The following MRM1 variants were observed in gnomAD, a reference collection of about 807,000 sequenced individuals.
MRM1 encodes the protein rRNA methyltransferase 1, mitochondrial.
Under a neutral mutation model 25.0 loss-of-function variants are expected in MRM1, and 24 were observed. The observed-to-expected ratio is 0.96, with a 90% CI of 0.69 to 1.35. MRM1 has a LOEUF of 1.35. Among genes scored for constraint, MRM1 ranks in the 40% most tolerant of loss-of-function variants. The probability of loss-of-function intolerance (pLI) is 0.00; values close to 1 mark genes in which losing one functional copy is unlikely to be tolerated. For missense variants in MRM1, 431 were observed against 464.1 expected, an observed-to-expected ratio of 0.93 and a Z score of 0.65; for synonymous variants, 188 against 199.2, an observed-to-expected ratio of 0.94 and a Z score of 0.47.
chr17:36,625,129 G>C, the MRM1 span, among the ~76,000 whole-genome samples: 1 of 152,164 alleles, frequency 6.6e-6, no homozygotes, highest in African/African-American at 2.4e-5. Context: ...TGTGCTGGAG[G>C]AGTGAGTTCC....
intron 2 of MRM1, among the ~76,000 whole-genome samples, chr17:36,607,274 T>G (rs1472843018): frequency 1.3e-5 from 2 of 152,160 alleles, no homozygotes; most frequent in East Asian, 3.9e-4. Flanking sequence ...CCCAAAGTGC[T>G]GGAATTACAG....
rs1426632828 is a variant in MRM1 at position 36,608,438 on chromosome 17, T to C, written c.*23T>C. On this transcript the variant is annotated 3_prime_UTR_variant, in exon 5 of 5. Transcript: ENST00000614766. The stretch of plus-strand genomic sequence containing the variant: ...TGACGTGGACTGTCCACAGTGTTCA[T>C]GTGCTGGAGTCAGGGACGGCCGCAC... 6.9e-6 allele frequency: 10 copies of C among 1,459,014 alleles called. No individual in the cohort carries two copies. The Admixed American group carries it at 7.3e-5, about 11-fold the overall frequency. The allele number at this position is 1,459,014 out of a possible 1,614,324, so 90.4% of individuals were successfully genotyped here.
the MRM1 span, among the ~76,000 whole-genome samples, chr17:36,614,121 A>T: frequency 1.3e-5 from 2 of 151,704 alleles, no homozygotes; most frequent in African/African-American, 4.8e-5. Context: ...GAGGCTTTTG[A>T]AGCTAAAAAA....
Position 36,603,847 on chromosome 17 carries a change from C to A in MRM1, c.636+1201C>A, listed in dbSNP as rs1464927907. 2.0e-5 allele frequency among the ~76,000 whole-genome samples: 3 copies of A among 152,180 alleles called. No individual in the cohort carries two copies. In the South Asian group the frequency reaches 6.2e-4, roughly 31 times the overall value. ...ATATTGAACAGCACATATCTAGAAG[C>A]ATTTTTTGGCTTCACTTTTTTGTAG... is the stretch of plus-strand genomic sequence containing the variant. On this transcript the variant is annotated intron_variant, in intron 2 of 4. Transcript: ENST00000614766.
At chr17:36,622,597 C>T in the MRM1 span, among the ~76,000 whole-genome samples, 1 of 151,940 alleles carries the variant, frequency 6.6e-6, no homozygotes, top group Non-Finnish European at 1.5e-5. Context: ...AAATTCAAAC[C>T]TCATATGGGG....
the MRM1 span, among the ~76,000 whole-genome samples, chr17:36,619,483 C>T: frequency 7.5e-4 from 114 of 152,258 alleles, no homozygotes; most frequent in African/African-American, 2.6e-3. Flanking sequence ...GCCTGGCCAA[C>T]ATGGCAAAAC....
chr17:36,607,976 C>A lies in MRM1; in HGVS notation c.847C>A (p.Leu283Met). ...CCTCACCATCCTGCCCCGGCGCCAGCTGCCTCCTGGACTTGAGTCCTTGAA... is the reference window on the plus strand; with the variant it reads ...CCTCACCATCCTGCCCCGGCGCCAGATGCCTCCTGGACTTGAGTCCTTGAA... ...LLLTILPRRQ[L>M]PPGLESLNVS... is the part of the protein sequence containing the mutation. The change falls in exon 4 of 5, where the codon CTG becomes ATG. Residue 283 changes from leucine to methionine, a missense_variant. Physicochemically the swap from Leu to Met is conservative, Grantham distance 15. Coordinates refer to ENST00000614766, the MANE Select transcript of MRM1 (RefSeq NM_024864.5). 4.3e-6 allele frequency: 7 copies of A among 1,614,204 alleles called. No individual in the cohort carries two copies. Among genetic ancestry groups the A allele is most frequent in the Non-Finnish European group, 5.9e-6 (7 of 1,180,046 alleles).
rs2074878463 is a variant in MRM1 at position 36,602,122 on chromosome 17, G to GGTCCAC, written c.312_313insGTCCAC (p.Arg104_Gln105insValHis). 6.2e-7 allele frequency: 1 copy of GGTCCAC among 1,612,292 alleles called. No individual in the cohort carries two copies. Among genetic ancestry groups the GGTCCAC allele is most frequent in the African/African-American group, 1.3e-5 (1 of 74,938 alleles). On this transcript the variant is annotated inframe_insertion, in exon 1 of 5. Coordinates refer to ENST00000614766, the MANE Select transcript of MRM1 (RefSeq NM_024864.5). This position sits in a 1 kb window ranked among gnomAD's most constrained non-coding sequence, Gnocchi z 4.1. Reference sequence around the variant, plus strand: ...ACATTCCAGTTCTGCGGCCCAGACGGCAGAAACTGGACACAATGTGCCGCT... The same window carrying GGTCCAC: ...ACATTCCAGTTCTGCGGCCCAGACGGGTCCACCAGAAACTGGACACAATGTGCCGCT...
downstream of MRM1, among the ~76,000 whole-genome samples, chr17:36,609,745 G>T (rs1350043589): frequency 6.6e-6 from 1 of 152,208 alleles, no homozygotes; most frequent in African/African-American, 2.4e-5. Context: ...GGGCGAAAGG[G>T]GAATAATCCT....
the MRM1 span, among the ~76,000 whole-genome samples, chr17:36,631,881 C>A: frequency 6.6e-6 from 1 of 152,200 alleles, no homozygotes; most frequent in Non-Finnish European, 1.5e-5. Flanking sequence ...AGGTTGTCTG[C>A]AGAGGTTGGG....
chr17:36,612,149 C>T (rs1327533379), downstream of MRM1, among the ~76,000 whole-genome samples: 4 of 152,074 alleles, frequency 2.6e-5, no homozygotes, highest in South Asian at 4.1e-4. Context: ...GGCTGGAACC[C>T]GATCTAACCT....
chr17:36,620,088 T>G, the MRM1 span, among the ~76,000 whole-genome samples: 5 of 152,212 alleles, frequency 3.3e-5, no homozygotes, highest in Admixed American at 6.5e-5. Context: ...TTATATATTC[T>G]GAATATTAAC....
chr17:36,615,600 G>T, the MRM1 span, among the ~76,000 whole-genome samples: 1 of 151,238 alleles, frequency 6.6e-6, no homozygotes, highest in South Asian at 2.1e-4. Context: ...CGGAGGTTAC[G>T]GTGAGCTGAG....
chr17:36,624,700 T>TTGGG, the MRM1 span, among the ~76,000 whole-genome samples: 9 of 152,246 alleles, frequency 5.9e-5, no homozygotes, highest in African/African-American at 2.2e-4. This position sits in a 1 kb window ranked among gnomAD's most constrained non-coding sequence, Gnocchi z 4.0. Flanking sequence ...ATGAGGAGCT[T>TTGGG]TGGGGTCAGA....
chr17:36,621,699 T>C, the MRM1 span, among the ~76,000 whole-genome samples: 17 of 152,240 alleles, frequency 1.1e-4, 1 homozygote, highest in East Asian at 2.1e-3. Context: ...CCTCAGCCCC[T>C]CAACTACCCC....
At chr17:36,604,284 T>A (rs2074908527) in intron 2 of MRM1, among the ~76,000 whole-genome samples, 1 of 152,238 alleles carries the variant, frequency 6.6e-6, no homozygotes, top group Admixed American at 6.5e-5. Flanking sequence ...GTGGCCTCCA[T>A]GTTGCTGCAT....
chr17:36,607,971 G>T lies in MRM1; in HGVS notation c.842G>T (p.Arg281Leu), dbSNP rs753006011. ...CTTCTCCTCACCATCCTGCCCCGGC[G>T]CCAGCTGCCTCCTGGACTTGAGTCC... ...CQLLLTILPR[R>L]QLPPGLESLN... The change falls in exon 4 of 5, where the codon CGC becomes CTC. Residue 281 changes from arginine to leucine, a missense_variant. Arg to Leu is a moderately radical substitution (Grantham distance 102). Coordinates refer to ENST00000614766, the MANE Select transcript of MRM1 (RefSeq NM_024864.5). 6.2e-7 allele frequency: 1 copy of T among 1,614,020 alleles called. No individual in the cohort carries two copies. Among genetic ancestry groups the T allele is most frequent in the African/African-American group, 1.3e-5 (1 of 74,906 alleles).
chr17:36,626,857 T>C, the MRM1 span, among the ~76,000 whole-genome samples: 2 of 152,208 alleles, frequency 1.3e-5, no homozygotes, highest in Non-Finnish European at 2.9e-5. Flanking sequence ...TGTGTTTTTC[T>C]CCACATCAGT....
chr17:36,617,894 G>A, the MRM1 span, among the ~76,000 whole-genome samples: 2 of 152,234 alleles, frequency 1.3e-5, no homozygotes, highest in Admixed American at 6.5e-5. Context: ...GGCTGTGTCC[G>A]CACACCATGC....
Sources: gnomAD v4.1 joint callset for allele counts (sites outside exome capture counted in the v4.1 genomes callset) on GRCh38, gnomAD v4.1.1 for gene constraint, Gnocchi (gnomAD v3.1) non-coding constraint, MANE v1.5 for transcripts, NCBI Gene and HGNC (gene_info 2026-07-23, HGNC 2026-07-21) for gene names.